EPB41L4B: variants seen among roughly 807,000 people sequenced by gnomAD.
The protein encoded by EPB41L4B is erythrocyte membrane protein band 4.1 like 4B, also known as band 4.1-like protein 4B.
In EPB41L4B, 30 loss-of-function variants were observed where a neutral mutation model predicts 112.5. The observed-to-expected ratio is 0.27, with a 90% CI of 0.20 to 0.36. EPB41L4B has a LOEUF of 0.36. Ranked by LOEUF, EPB41L4B falls within the 10% of genes least tolerant of loss-of-function variation. The probability of loss-of-function intolerance (pLI) is 1.00; values close to 1 mark genes in which losing one functional copy is unlikely to be tolerated. For synonymous variants in EPB41L4B, 408 were observed against 439.7 expected, an observed-to-expected ratio of 0.93 and a Z score of 0.90; for missense variants, 1,024 against 1,133.3, an observed-to-expected ratio of 0.90 and a Z score of 1.38.
intron 11 of EPB41L4B, among the ~76,000 whole-genome samples, chr9:109,254,908 G>A (rs1834922790): frequency 6.6e-6 from 1 of 152,196 alleles, no homozygotes; most frequent in South Asian, 2.1e-4. Context: ...GCATGCAAAA[G>A]GCAATACAGT....
chr9:109,182,208 G>A lies in EPB41L4B; in HGVS notation c.2487+521C>T, dbSNP rs137960235. Among the ~76,000 whole-genome samples, 25 of 152,240 alleles carry A rather than the reference G, an allele frequency of 1.6e-4. No individual in the cohort carries two copies. The East Asian group carries it at 3.1e-3, about 19-fold the overall frequency. ...TTGGCAGTAGAACAGATCTCAATCC[G>A]TCTCAAAAACAAACAAACAAACAAA... On this transcript the variant is annotated intron_variant, in intron 24 of 25. Transcript: ENST00000374566.
Position 109,263,113 on chromosome 9 carries a change from A to T in EPB41L4B, c.579-11T>A. ...TAAGGGCATTTCAATCTTGAAAAAAATAAAATGAAATTAATTCGAAATAGG... is the reference window on the plus strand; with the variant it reads ...TAAGGGCATTTCAATCTTGAAAAAATTAAAATGAAATTAATTCGAAATAGG... On this transcript the variant is annotated splice_polypyrimidine_tract_variant and intron_variant, in intron 5 of 25. Coordinates refer to ENST00000374566, the MANE Select transcript of EPB41L4B (RefSeq NM_019114.5). The T allele has an allele frequency of 6.4e-7, 1 of 1,562,342 alleles. No homozygotes were observed. Among genetic ancestry groups the T allele is most frequent in the Non-Finnish European group, 8.8e-7 (1 of 1,142,316 alleles).
rs1472070103 is a variant in EPB41L4B at position 109,258,426 on chromosome 9, T to C, written c.632-129A>G. On this transcript the variant is annotated intron_variant, in intron 6 of 25. Coordinates refer to ENST00000374566, the MANE Select transcript of EPB41L4B (RefSeq NM_019114.5). Reference sequence around the variant, plus strand: ...CCCGCCCCAATGTATAACTCTCTCCTTTCGGGAAGACTTAACTCTCACTTG... The same window carrying C: ...CCCGCCCCAATGTATAACTCTCTCCCTTCGGGAAGACTTAACTCTCACTTG... The C allele has an allele frequency of 7.3e-6, 7 of 957,942 alleles. No homozygotes were observed. The East Asian group carries it at 7.4e-5, about 10-fold the overall frequency. The allele number at this position is 957,942 out of a possible 1,614,324, so 59.3% of individuals were successfully genotyped here. A position where few individuals can be genotyped will look rare whatever the true frequency, so the allele number is the denominator to read the frequency against.
chr9:109,221,699 T>C (rs1010015095), intron 15 of EPB41L4B, among the ~76,000 whole-genome samples: 1 of 151,952 alleles, frequency 6.6e-6, no homozygotes, highest in East Asian at 1.9e-4. Context: ...AGGTGGCAAA[T>C]GAGAGCTGCT....
At position 109,197,354 on chromosome 9, in the gene EPB41L4B, C is replaced by T. The variant is rs530531232; in HGVS notation, c.2045+2882G>A. 4.6e-5 allele frequency among the ~76,000 whole-genome samples: 7 copies of T among 152,132 alleles called. No individual in the cohort carries two copies. In the South Asian group the frequency reaches 6.2e-4, roughly 14 times the overall value. ...AGGAGAATCACTTGAACCTAGGGGG[C>T]GGAGGCTGCAGTGAGCTAAGACTGA... On this transcript the variant is annotated intron_variant, in intron 20 of 25. Transcript: ENST00000374566.
Position 109,185,613 on chromosome 9 carries a change from C to T in EPB41L4B, c.2302-8G>A, listed in dbSNP as rs753922043. ...GTTGCTGGCGGGCTCTGCCTGCTCA[C>T]GAGGAGAGGAGAGAAGGGGAGGAGG... is the stretch of plus-strand genomic sequence containing the variant. On this transcript the variant is annotated splice_region_variant and splice_polypyrimidine_tract_variant and intron_variant, in intron 22 of 25. Transcript: ENST00000374566. 36 of 1,593,826 alleles carry T rather than the reference C, an allele frequency of 2.3e-5. No homozygotes were observed. Among genetic ancestry groups the T allele is most frequent in the Middle Eastern group, 1.7e-4 (1 of 5,956 alleles).
At chr9:109,294,783 T>A (rs570616632) in intron 1 of EPB41L4B, among the ~76,000 whole-genome samples, 2 of 152,228 alleles carry the variant, frequency 1.3e-5, no homozygotes, top group South Asian at 4.1e-4. Flanking sequence ...TTAAAATATT[T>A]CAGAATCATA....
At chr9:109,220,443 T>C (rs1833532297) in intron 15 of EPB41L4B, among the ~76,000 whole-genome samples, 1 of 152,140 alleles carries the variant, frequency 6.6e-6, no homozygotes, top group African/African-American at 2.4e-5. Flanking sequence ...GGAGACTGGT[T>C]GGGGAGAGAC....
intron 15 of EPB41L4B, chr9:109,241,435 T>A: frequency 7.7e-7 from 1 of 1,293,490 alleles, no homozygotes; most frequent in Non-Finnish European, 9.8e-7. Context: ...AACATCAATA[T>A]GATTCCTGAG....
intron 1 of EPB41L4B, among the ~76,000 whole-genome samples, chr9:109,314,606 T>C (rs913538372): frequency 1.3e-5 from 2 of 149,228 alleles, no homozygotes; most frequent in African/African-American, 2.5e-5. Flanking sequence ...ACACCCCCTT[T>C]GGGAAGGGTG....
At chr9:109,272,578 T>C (rs1835664223) in intron 2 of EPB41L4B, among the ~76,000 whole-genome samples, 1 of 151,908 alleles carries the variant, frequency 6.6e-6, no homozygotes. Context: ...CATGGTAAAA[T>C]CCCATCTCTG....
chr9:109,229,944 C>T lies in EPB41L4B; in HGVS notation c.1410-12799G>A, dbSNP rs189062418. 1.5e-3 allele frequency among the ~76,000 whole-genome samples: 222 copies of T among 152,200 alleles called. 1 individual carries two copies. The highest frequency in any genetic ancestry group is 2.2e-3 in the Non-Finnish European group (150 of 68,008). ...CTAGTCCATACCCAGTCCATTCGCC[C>T]GGAACTGTGGCTCTCCAATTGGGAC... On this transcript the variant is annotated intron_variant, in intron 15 of 25. Coordinates refer to ENST00000374566, the MANE Select transcript of EPB41L4B (RefSeq NM_019114.5).
chr9:109,224,165 T>C (rs953812938), intron 15 of EPB41L4B, among the ~76,000 whole-genome samples: 1 of 152,212 alleles, frequency 6.6e-6, no homozygotes, highest in Non-Finnish European at 1.5e-5. Context: ...TTAGTTACCA[T>C]ATGACTGAGC....
rs1837837939 is a variant in EPB41L4B, at chr9:109,320,608, G to A, written c.-162C>T. ...CCCGGGGCAAGCCCGCGCCGAGGCC[G>A]AGGCCGCGCTCTAGCCGCCTGCGGG... On this transcript the variant is annotated 5_prime_UTR_variant, in exon 1 of 26. Transcript: ENST00000374566. 2 of 187,270 alleles carry A rather than the reference G, an allele frequency of 1.1e-5. No individual in the cohort carries two copies. Among genetic ancestry groups the A allele is most frequent in the African/African-American group, 2.6e-5 (1 of 39,198 alleles). 11.6% of individuals were successfully genotyped at this position (187,270 alleles called of 1,614,324 possible). A position where few individuals can be genotyped will look rare whatever the true frequency, so the allele number is the denominator to read the frequency against.
intron 15 of EPB41L4B, among the ~76,000 whole-genome samples, chr9:109,237,039 A>T (rs1834170538): frequency 6.6e-6 from 1 of 152,214 alleles, no homozygotes; most frequent in African/African-American, 2.4e-5. Flanking sequence ...ATTTTAAAGG[A>T]CTAGTTAAAA....
chr9:109,288,722 C>CAA (rs386415824), intron 1 of EPB41L4B, among the ~76,000 whole-genome samples: 297 of 23,038 alleles, frequency 0.013, 106 homozygotes, highest in African/African-American at 0.041. Context: ...GACTCCGTCT[C>CAA]AAAAAAAAAA....
At chr9:109,215,911 G>A (rs1350848479) in intron 16 of EPB41L4B, among the ~76,000 whole-genome samples, 1 of 151,970 alleles carries the variant, frequency 6.6e-6, no homozygotes, top group Admixed American at 6.6e-5. Context: ...TGTTGCTTAA[G>A]CCCAAGAGTT....
At chr9:109,314,264 T>C (rs1325599771) in intron 1 of EPB41L4B, among the ~76,000 whole-genome samples, 1 of 152,202 alleles carries the variant, frequency 6.6e-6, no homozygotes, top group African/African-American at 2.4e-5. Context: ...AGGATTTCTG[T>C]GGTTGCCAGG....
In EPB41L4B at chr9:109,284,940, G is replaced by A. The variant is rs1040545923; in HGVS notation, c.307-5019C>T. 2.6e-5 allele frequency among the ~76,000 whole-genome samples: 4 copies of A among 152,210 alleles called. No homozygotes were observed. The East Asian group carries it at 7.7e-4, about 29-fold the overall frequency. On this transcript the variant is annotated intron_variant, in intron 1 of 25. Transcript: ENST00000374566. ...CAGAACTAGTTAAGTAACACTTTTA[G>A]CAGCAGGATGTGGCAGAAAAATTGG...
Sources: allele counts gnomAD v4.1 joint callset (sites outside exome capture counted in the v4.1 genomes callset), GRCh38; gene constraint gnomAD v4.1.1; transcripts MANE v1.5; gene names NCBI Gene and HGNC (gene_info 2026-07-23, HGNC 2026-07-21).